Variants in SLC4A4 observed in about 807,000 individuals in gnomAD.
The protein encoded by SLC4A4 is electrogenic sodium bicarbonate cotransporter 1.
A neutral mutation model predicts 111.5 loss-of-function variants in SLC4A4; 27 were observed. The observed-to-expected ratio is 0.24, with a 90% CI of 0.18 to 0.33. The LOEUF (loss-of-function observed/expected upper bound fraction) is 0.33. Among genes scored for constraint, SLC4A4 ranks in the 10% least tolerant of loss-of-function variants. The pLI, the probability that SLC4A4 is intolerant of heterozygous loss-of-function variation, is 1.00. For synonymous variants in SLC4A4, 443 were observed against 463.4 expected (o/e 0.96, Z 0.57); for missense variants, 909 against 1,315.5 (o/e 0.69, Z 4.78).
At chr4:71,541,869 T>C (rs1240502480) in intron 18 of SLC4A4, among the ~76,000 whole-genome samples, 1 of 152,118 alleles carries the variant, frequency 6.6e-6, no homozygotes, top group Admixed American at 6.6e-5. Context: ...GTTTCATATG[T>C]TATTTTTGAA....
At chr4:71,090,337 T>G (rs1158172716) in intron 1 of SLC4A4, among the ~76,000 whole-genome samples, 1 of 152,158 alleles carries the variant, frequency 6.6e-6, no homozygotes, top group Non-Finnish European at 1.5e-5. Flanking sequence ...TGACCCCTTG[T>G]GCTTCCCAGG....
chr4:71,136,699 T>C (rs530533115), intron 2 of SLC4A4, among the ~76,000 whole-genome samples: 57 of 152,338 alleles, frequency 3.7e-4, no homozygotes, highest in African/African-American at 1.3e-3. Flanking sequence ...GATTCTCAGT[T>C]TCTCATTAAT....
chr4:71,545,235 A>C (rs748642115), intron 18 of SLC4A4, among the ~76,000 whole-genome samples: 2 of 152,016 alleles, frequency 1.3e-5, no homozygotes, highest in Admixed American at 1.3e-4. Flanking sequence ...TCAGAACATG[A>C]TTAGATCCAT....
intron 16 of SLC4A4, among the ~76,000 whole-genome samples, chr4:71,499,045 A>G (rs1560564389): frequency 6.6e-6 from 1 of 151,200 alleles, no homozygotes; most frequent in Non-Finnish European, 1.5e-5. Flanking sequence ...TGTGTAGAAC[A>G]GATTCCTGGG....
chr4:71,326,662 G>C (rs948541415), intron 3 of SLC4A4, among the ~76,000 whole-genome samples: 2 of 152,074 alleles, frequency 1.3e-5, no homozygotes, highest in Non-Finnish European at 2.9e-5. Flanking sequence ...AGAGTAAAAA[G>C]CTGCCTCTTT....
chr4:71,183,534 T>G (rs900925618), upstream of SLC4A4, among the ~76,000 whole-genome samples: 2 of 152,164 alleles, frequency 1.3e-5, no homozygotes, highest in Non-Finnish European at 2.9e-5. Context: ...ACTCTTGGAG[T>G]GTAAGTGAAA....
intron 1 of SLC4A4, chr4:71,233,270 G>C: frequency 1.0e-6 from 1 of 985,330 alleles, no homozygotes; most frequent in Non-Finnish European, 1.2e-6. Context: ...AAAGAGAAAA[G>C]AGAACTACTG....
intron 3 of SLC4A4, chr4:71,300,431 G>A (rs1260173243): frequency 3.5e-5 from 8 of 231,636 alleles, no homozygotes; most frequent in East Asian, 3.4e-4. Context: ...TCATGACAGC[G>A]GACATGACAG....
At chr4:71,435,873 A>T (rs930062766) in intron 7 of SLC4A4, among the ~76,000 whole-genome samples, 2 of 152,260 alleles carry the variant, frequency 1.3e-5, no homozygotes, top group Admixed American at 6.5e-5. Flanking sequence ...ATCTCATGCC[A>T]GTTAGAATGG....
chr4:71,273,540 A>G (rs980363), intron 3 of SLC4A4, among the ~76,000 whole-genome samples: 66,616 of 152,070 alleles, frequency 0.44, 18,909 homozygotes, highest in African/African-American at 0.8. Context: ...AGTTTGGAAA[A>G]GGTCAGTCTC....
At chr4:71,351,010 T>G (rs1729778384) in intron 5 of SLC4A4, among the ~76,000 whole-genome samples, 1 of 152,094 alleles carries the variant, frequency 6.6e-6, no homozygotes, top group Non-Finnish European at 1.5e-5. Flanking sequence ...AATACGGCAG[T>G]TTAGGCCAAG....
chr4:71,348,239 TGTC>T (rs1729499957), intron 4 of SLC4A4, among the ~76,000 whole-genome samples: 2 of 151,826 alleles, frequency 1.3e-5, no homozygotes, highest in African/African-American at 4.8e-5. Flanking sequence ...GATATAAAAT[TGTC>T]GTTTTTTTTC....
chr4:71,457,533 T>G (rs1176147833), intron 12 of SLC4A4, among the ~76,000 whole-genome samples: 3 of 152,140 alleles, frequency 2.0e-5, no homozygotes, highest in Admixed American at 2.0e-4. Context: ...GACTGTTTCC[T>G]TTTTTTATGG....
chr4:71,311,190 A>T (rs1726121041), intron 3 of SLC4A4, among the ~76,000 whole-genome samples: 1 of 152,242 alleles, frequency 6.6e-6, no homozygotes, highest in Admixed American at 6.5e-5. Flanking sequence ...CCAGATTTAT[A>T]AAACAAGTTC....
Position 71,400,969 on chromosome 4 carries a change from G to C in SLC4A4, c.807+3316G>C, listed in dbSNP as rs546783373. The stretch of plus-strand genomic sequence containing the variant: ...GGCAGTAAACTCAAACTTGTCTTGT[G>C]TACTTGTCCAAGTTGGCCCCAAAAA... On this transcript the variant is annotated intron_variant, in intron 7 of 25. Coordinates refer to ENST00000264485, the MANE Select transcript of SLC4A4 (RefSeq NM_001098484.3). Among the ~76,000 whole-genome samples the C allele has an allele frequency of 3.3e-5, 5 of 152,224 alleles. No homozygotes were observed. The South Asian group carries it at 1.0e-3, about 32-fold the overall frequency.
chr4:71,254,387 C>T (rs773290632), intron 2 of SLC4A4, among the ~76,000 whole-genome samples: 1 of 152,074 alleles, frequency 6.6e-6, no homozygotes, highest in Non-Finnish European at 1.5e-5. Flanking sequence ...ATCTAGAGAG[C>T]TGAAAGCATT....
chr4:71,310,759 A>T (rs921375447), intron 3 of SLC4A4, among the ~76,000 whole-genome samples: 4 of 152,220 alleles, frequency 2.6e-5, no homozygotes, highest in African/African-American at 9.6e-5. Context: ...GGACACTATG[A>T]AGAAACTGCA....
intron 3 of SLC4A4, among the ~76,000 whole-genome samples, chr4:71,320,663 A>G (rs970155981): frequency 3.3e-5 from 5 of 152,076 alleles, no homozygotes; most frequent in Non-Finnish European, 5.9e-5. Flanking sequence ...CAGGTCTTAA[A>G]GAGTGTCATA....
intron 16 of SLC4A4, among the ~76,000 whole-genome samples, chr4:71,518,452 G>T (rs137909470): frequency 1.0e-3 from 152 of 152,128 alleles, no homozygotes; most frequent in African/African-American, 3.5e-3. Flanking sequence ...AGGGGTGCTG[G>T]CATGGTTCTG....
Sources: gnomAD v4.1 joint callset for allele counts (sites outside exome capture counted in the v4.1 genomes callset) on GRCh38, gnomAD v4.1.1 for gene constraint, MANE v1.5 for transcripts, NCBI Gene and HGNC (gene_info 2026-07-23, HGNC 2026-07-21) for gene names.